Variants in INPP4A observed in about 807,000 individuals in gnomAD.
The protein encoded by INPP4A is inositol polyphosphate-4-phosphatase type I A, also known as inositol polyphosphate-4-phosphatase, type I, 107kD.
Under a neutral mutation model 119.8 loss-of-function variants are expected in INPP4A, and 33 were observed. That is an observed-to-expected ratio of 0.28 (90% CI 0.21 to 0.37). The LOEUF (loss-of-function observed/expected upper bound fraction) is 0.37. Among genes scored for constraint, INPP4A ranks in the 10% least tolerant of loss-of-function variants. The pLI, the probability that INPP4A is intolerant of heterozygous loss-of-function variation, is 1.00. For missense variants in INPP4A, 956 were observed against 1,289.9 expected (o/e 0.74, Z 3.97); for synonymous variants, 496 against 500.7 (o/e 0.99, Z 0.12).
chr2:98,537,544 G>T (rs1225563307), intron 7 of INPP4A, among the ~76,000 whole-genome samples: 1 of 152,206 alleles, frequency 6.6e-6, no homozygotes, highest in African/African-American at 2.4e-5. Flanking sequence ...CTGGGCAGGG[G>T]TGAGCACAGG....
intron 13 of INPP4A, among the ~76,000 whole-genome samples, chr2:98,548,414 C>T (rs1016854168): frequency 6.6e-6 from 1 of 152,164 alleles, no homozygotes; most frequent in Non-Finnish European, 1.5e-5. Context: ...AGCCAGAAAG[C>T]GTGTCTGTCG....
intron 14 of INPP4A, among the ~76,000 whole-genome samples, chr2:98,553,632 T>C (rs1693953909): frequency 6.6e-6 from 1 of 152,156 alleles, no homozygotes; most frequent in South Asian, 2.1e-4. Flanking sequence ...CTCACTGTGC[T>C]GTTGAGCTGC....
In INPP4A at chr2:98,570,728, G is replaced by A. The variant is rs1697293502; in HGVS notation, c.2518+2060G>A. Among the ~76,000 whole-genome samples, 1 of 152,164 alleles carries A rather than the reference G, an allele frequency of 6.6e-6. No homozygotes were observed. ...GGGCAGGCGGAGGGTGCCCTTGCAGGGAGGGAAGGAGGGAGGAGAGAAGGT... is the reference window on the plus strand; with the variant it reads ...GGGCAGGCGGAGGGTGCCCTTGCAGAGAGGGAAGGAGGGAGGAGAGAAGGT... On this transcript the variant is annotated intron_variant, in intron 22 of 24. Coordinates refer to ENST00000409851, the MANE Select transcript of INPP4A (RefSeq NM_001134225.2). The surrounding 1 kb of genome is among the most constrained non-coding windows in gnomAD (Gnocchi z 4.3).
At chr2:98,535,349 A>G (rs1690033269) in intron 5 of INPP4A, among the ~76,000 whole-genome samples, 1 of 152,266 alleles carries the variant, frequency 6.6e-6, no homozygotes, top group Non-Finnish European at 1.5e-5. Flanking sequence ...AACTCAAAGT[A>G]GTAGGTTTAC....
intron 4 of INPP4A, among the ~76,000 whole-genome samples, chr2:98,532,581 T>C (rs1187155956): frequency 6.6e-6 from 1 of 152,200 alleles, no homozygotes; most frequent in African/African-American, 2.4e-5. Context: ...GGATCCCAGA[T>C]GGCACAGCTT....
At chr2:98,483,280 G>A (rs999910621) in intron 1 of INPP4A, among the ~76,000 whole-genome samples, 2 of 151,992 alleles carry the variant, frequency 1.3e-5, no homozygotes, top group Non-Finnish European at 2.9e-5. Flanking sequence ...TCCATTCATC[G>A]AATTCTTTGT....
intron 10 of INPP4A, among the ~76,000 whole-genome samples, chr2:98,541,125 A>G (rs986362054): frequency 3.3e-5 from 5 of 152,186 alleles, no homozygotes; most frequent in Admixed American, 3.3e-4. Flanking sequence ...CAGGAGATTG[A>G]GACCATCCTG....
intron 23 of INPP4A, 38 bp downstream of exon 23, chr2:98,572,965 GC>G: frequency 1.4e-6 from 2 of 1,406,326 alleles, no homozygotes; most frequent in Non-Finnish European, 9.8e-7. Flanking sequence ...CTATTGCGGT[GC>G]CCACAGCTGA....
intron 4 of INPP4A, chr2:98,521,020 G>A: frequency 3.4e-6 from 1 of 297,778 alleles, no homozygotes; most frequent in Non-Finnish European, 6.1e-6. Context: ...CCCACCTAGA[G>A]CTGCCAACAG....
chr2:98,555,704 G>A lies in INPP4A; in HGVS notation c.1718G>A (p.Ser573Asn), dbSNP rs993963747. 1.2e-6 allele frequency: 2 copies of A among 1,613,086 alleles called. No individual in the cohort carries two copies. Among genetic ancestry groups the A allele is most frequent in the African/African-American group, 1.3e-5 (1 of 74,910 alleles). The change falls in exon 16 of 25, where the codon AGC becomes AAC. Residue 573 changes from serine to asparagine, a missense_variant. Ser to Asn is a conservative substitution (Grantham distance 46). Around this residue, in one of 2 missense-constraint regions of INPP4A, gnomAD observed 652 missense variants for 797.9 expected, o/e 0.82. Transcript: ENST00000409851. The part of the protein sequence containing the change: ...SCTSKKGNPD[S>N]HAYWIRPEDP... ...ACCAGCAAGAAAGGTAACCCGGACAGCCACGCCTACTGGATCAGACCAGAA... is the reference window on the plus strand; with the variant it reads ...ACCAGCAAGAAAGGTAACCCGGACAACCACGCCTACTGGATCAGACCAGAA...
intron 13 of INPP4A, among the ~76,000 whole-genome samples, chr2:98,548,798 T>C (rs1018014373): frequency 2.0e-5 from 3 of 152,168 alleles, no homozygotes; most frequent in East Asian, 1.9e-4. Flanking sequence ...AATAAGCACA[T>C]TGGGCTCATG....
chr2:98,471,473 G>C (rs1218239191), intron 1 of INPP4A, among the ~76,000 whole-genome samples: 8 of 152,186 alleles, frequency 5.3e-5, no homozygotes, highest in Non-Finnish European at 1.2e-4. Flanking sequence ...ATCATATGTG[G>C]AATATTTCTG....
chr2:98,491,581 G>A (rs1342373023), intron 1 of INPP4A, among the ~76,000 whole-genome samples: 2 of 152,304 alleles, frequency 1.3e-5, no homozygotes, highest in South Asian at 2.1e-4. Flanking sequence ...GGTGCAGCAA[G>A]CCAGGTGCGT....
Position 98,591,329 on chromosome 2 carries a change from A to C in INPP4A, c.*3721A>C, listed in dbSNP as rs1196341729. Reference sequence around the variant, plus strand: ...AATATTATTAACAGTTTCTACCTTCACTCTCATGTCTCAGGATTATTTTTT... The same window carrying C: ...AATATTATTAACAGTTTCTACCTTCCCTCTCATGTCTCAGGATTATTTTTT... On this transcript the variant is annotated 3_prime_UTR_variant, in exon 25 of 25. Coordinates refer to ENST00000409851, the MANE Select transcript of INPP4A (RefSeq NM_001134225.2). The C allele has an allele frequency of 6.4e-6, 1 of 155,390 alleles. No homozygotes were observed. The highest frequency in any genetic ancestry group is 2.4e-5 in the African/African-American group (1 of 41,268). 9.6% of individuals were successfully genotyped at this position (155,390 alleles called of 1,614,324 possible). A position where few individuals can be genotyped will look rare whatever the true frequency, so the allele number is the denominator to read the frequency against.
intron 1 of INPP4A, among the ~76,000 whole-genome samples, chr2:98,492,154 G>T (rs1231318095): frequency 6.6e-6 from 1 of 152,126 alleles, no homozygotes; most frequent in African/African-American, 2.4e-5. Context: ...CTCCCAAACT[G>T]CTGGGATTAC....
intron 1 of INPP4A, among the ~76,000 whole-genome samples, chr2:98,505,696 A>G (rs891581925): frequency 5.3e-5 from 8 of 152,246 alleles, no homozygotes; most frequent in African/African-American, 1.7e-4. Flanking sequence ...TCACAGAGCC[A>G]GCCGTCACCA....
Position 98,520,172 on chromosome 2 carries a change from T to C in INPP4A, c.106+18T>C. 6.5e-7 allele frequency: 1 copy of C among 1,541,050 alleles called. No homozygotes were observed. ...TCTGGCAGGTGAGCCTCACAGGGCC[T>C]GCACCGGGCTCCAGGTATGAGCTCA... On this transcript the variant is annotated intron_variant, in intron 3 of 24. Transcript: ENST00000409851.
chr2:98,581,945 A>T, intron 24 of INPP4A: 1 of 978,340 alleles, frequency 1.0e-6, no homozygotes, highest in East Asian at 2.9e-5. Context: ...CACCAAGAAG[A>T]CTTGTTTGTT....
chr2:98,544,071 T>A, intron 11 of INPP4A, 64 bp downstream of exon 11: 1 of 1,389,482 alleles, frequency 7.2e-7, no homozygotes, highest in Non-Finnish European at 9.8e-7. Context: ...ACACTCTCAC[T>A]CTCACTCAGT....
Sources: gnomAD v4.1 joint callset for allele counts (sites outside exome capture counted in the v4.1 genomes callset) on GRCh38, gnomAD v4.1.1 for gene constraint, gnomAD v4.1.1 regional missense constraint, Gnocchi (gnomAD v3.1) non-coding constraint, MANE v1.5 for transcripts, NCBI Gene and HGNC (gene_info 2026-07-23, HGNC 2026-07-21) for gene names.